Variants in MSI1 observed in about 807,000 individuals in gnomAD.
MSI1 encodes the protein RNA-binding protein Musashi homolog 1.
Under a neutral mutation model 54.4 loss-of-function variants are expected in MSI1, and 15 were observed. The observed-to-expected ratio is 0.28, with a 90% CI of 0.18 to 0.42. The LOEUF (loss-of-function observed/expected upper bound fraction) is 0.42, where lower values mean the gene tolerates loss of function less well. Ranked by LOEUF, MSI1 falls within the 20% of genes least tolerant of loss-of-function variation. MSI1 has a pLI of 1.00. For missense variants in MSI1, 304 were observed against 506.0 expected, an observed-to-expected ratio of 0.60 and a Z score of 3.83; for synonymous variants, 200 against 196.5, an observed-to-expected ratio of 1.02 and a Z score of -0.15.
At chr12:120,347,097 G>A (rs572318246) in intron 12 of MSI1, among the ~76,000 whole-genome samples, 90 of 152,152 alleles carry the variant, frequency 5.9e-4, no homozygotes, top group African/African-American at 2.0e-3. Context: ...TTACAGGCGC[G>A]CACCACCACG....
chr12:120,350,414 G>A (rs1336302322), intron 11 of MSI1, among the ~76,000 whole-genome samples: 1 of 152,172 alleles, frequency 6.6e-6, no homozygotes, highest in Admixed American at 6.5e-5. Flanking sequence ...TTTCAGGGAA[G>A]AGCCTCTGTT....
intron 10 of MSI1, among the ~76,000 whole-genome samples, chr12:120,353,000 G>A (rs999875826): frequency 3.3e-5 from 5 of 152,086 alleles, no homozygotes; most frequent in Non-Finnish European, 7.3e-5. Context: ...GCCCTCTCTG[G>A]TGGAAGTGGC....
intron 4 of MSI1, among the ~76,000 whole-genome samples, chr12:120,366,570 C>T (rs758648727): frequency 4.6e-5 from 7 of 152,146 alleles, no homozygotes; most frequent in Admixed American, 2.6e-4. Context: ...CACAGACCCA[C>T]GCACACCCCA....
Position 120,345,669 on chromosome 12 carries a change from A to C in MSI1, c.1048-37T>G, listed in dbSNP as rs373836301. The C allele has an allele frequency of 2.5e-6, 4 of 1,611,728 alleles. No individual in the cohort carries two copies. The African/African-American group carries it at 5.3e-5, about 22-fold the overall frequency. On this transcript the variant is annotated intron_variant, in intron 13 of 14. Transcript: ENST00000257552. The stretch of plus-strand genomic sequence containing the variant: ...AGAATTTGACTCCTAGATTCCTGGG[A>C]AATAGAGGAAGATCAGGGGCTCCTT...
At chr12:120,340,114 TCTCA>T (rs1209111615), downstream of MSI1, among the ~76,000 whole-genome samples, 12 of 148,752 alleles carry the variant, frequency 8.1e-5, no homozygotes, top group African/African-American at 3.0e-4. Flanking sequence ...TTTGAGACAG[TCTCA>T]CTCCGTCACC....
chr12:120,367,580 G>GC (rs1355728807), intron 4 of MSI1, among the ~76,000 whole-genome samples: 1 of 152,098 alleles, frequency 6.6e-6, no homozygotes, highest in Non-Finnish European at 1.5e-5. Flanking sequence ...GGGATGCTTT[G>GC]CCATTGGTCT....
intron 6 of MSI1, among the ~76,000 whole-genome samples, chr12:120,359,706 C>A (rs1477020160): frequency 1.3e-5 from 2 of 152,114 alleles, no homozygotes; most frequent in Admixed American, 6.6e-5. Context: ...CCTCTAGGTA[C>A]CCCTTGGATA....
intron 9 of MSI1, among the ~76,000 whole-genome samples, 188 bp downstream of exon 9, chr12:120,356,713 AC>A (rs539142098): frequency 6.6e-6 from 1 of 152,028 alleles, no homozygotes; most frequent in Non-Finnish European, 1.5e-5. Flanking sequence ...AGAGGGCAGC[AC>A]CCCCCAACCA....
downstream of MSI1, among the ~76,000 whole-genome samples, chr12:120,340,872 G>A (rs1010862155): frequency 1.4e-5 from 2 of 146,128 alleles, no homozygotes; most frequent in Middle Eastern, 3.6e-3. Flanking sequence ...AAATGTGTAC[G>A]CTTTTCTCCT....
downstream of MSI1, among the ~76,000 whole-genome samples, chr12:120,340,756 CT>C (rs1298989580): frequency 6.6e-6 from 1 of 152,112 alleles, no homozygotes; most frequent in Non-Finnish European, 1.5e-5. Flanking sequence ...TCAAGCACTC[CT>C]TTTGCCTCAG....
intron 9 of MSI1, among the ~76,000 whole-genome samples, chr12:120,356,134 C>A (rs990057848): frequency 2.0e-5 from 3 of 152,220 alleles, no homozygotes; most frequent in African/African-American, 7.2e-5. Flanking sequence ...GGGCCTCCCA[C>A]AGCCTCCAGT....
At chr12:120,350,942 C>G (rs916121790) in intron 11 of MSI1, among the ~76,000 whole-genome samples, 42 of 152,142 alleles carry the variant, frequency 2.8e-4, no homozygotes, top group African/African-American at 9.7e-4. Flanking sequence ...TGTCCCCTCC[C>G]GGCAAGAGTC....
chr12:120,353,842 G>T (rs1874847936), intron 9 of MSI1, among the ~76,000 whole-genome samples: 1 of 152,176 alleles, frequency 6.6e-6, no homozygotes, highest in Non-Finnish European at 1.5e-5. Flanking sequence ...ATGACTACAT[G>T]CCTGAGTCCC....
In MSI1 at chr12:120,364,773, G is replaced by A. The variant is rs1341723529; in HGVS notation, c.268-18C>T. ...GGGTCAATCTACAAGAAAAGGGAGA[G>A]GTAGAAGGGGTCTTGGTTATCGCAT... On this transcript the variant is annotated intron_variant, in intron 4 of 14. Coordinates refer to ENST00000257552, the MANE Select transcript of MSI1 (RefSeq NM_002442.4). The A allele has an allele frequency of 6.3e-7, 1 of 1,594,372 alleles. No homozygotes were observed. Among genetic ancestry groups the A allele is most frequent in the Non-Finnish European group, 8.5e-7 (1 of 1,170,934 alleles).
chr12:120,345,334 A>AATC (rs1322818856), intron 14 of MSI1, among the ~76,000 whole-genome samples: 1 of 152,058 alleles, frequency 6.6e-6, no homozygotes, highest in Non-Finnish European at 1.5e-5. Context: ...TAATAATAAT[A>AATC]ATCTTTGCCA....
At chr12:120,348,242 A>C (rs1447696133) in intron 11 of MSI1, among the ~76,000 whole-genome samples, 1 of 152,136 alleles carries the variant, frequency 6.6e-6, no homozygotes, top group Non-Finnish European at 1.5e-5. Context: ...CCTCTGCAGC[A>C]CCTAGCACCT....
At chr12:120,347,626 T>C in intron 11 of MSI1, 112 bp from the exon 12 acceptor site, 2 of 1,311,856 alleles carry the variant, frequency 1.5e-6, no homozygotes, top group South Asian at 2.5e-5. Context: ...CTCAGAGGGT[T>C]CCATGTAGCC....
chr12:120,359,514 CG>C (rs1292335997), intron 6 of MSI1, among the ~76,000 whole-genome samples: 3 of 152,192 alleles, frequency 2.0e-5, no homozygotes, highest in Non-Finnish European at 4.4e-5. Flanking sequence ...CTCCCCTCTC[CG>C]GCTACAGATC....
chr12:120,357,925 A>G (rs1371203738), intron 7 of MSI1, 27 bp from the exon 8 acceptor site: 1 of 1,610,330 alleles, frequency 6.2e-7, no homozygotes, highest in African/African-American at 1.3e-5. Context: ...GGATAAAGGC[A>G]AGGTCAGAAC....
Sources: gnomAD v4.1 joint callset for allele counts (sites outside exome capture counted in the v4.1 genomes callset) on GRCh38, gnomAD v4.1.1 for gene constraint, MANE v1.5 for transcripts, NCBI Gene and HGNC (gene_info 2026-07-23, HGNC 2026-07-21) for gene names.